Variants in EDARADD observed in about 807,000 individuals in gnomAD.
EDARADD encodes the protein EDAR associated via death domain.
EDARADD carries 20 observed loss-of-function variants against 25.6 expected under a neutral mutation model. The observed-to-expected ratio is 0.78, with a 90% CI of 0.55 to 1.14. EDARADD has a LOEUF of 1.14. Ranked by LOEUF, EDARADD falls within the 50% of genes most tolerant of loss-of-function variation. EDARADD has a pLI of 0.00. For synonymous variants in EDARADD, 86 were observed against 94.4 expected (o/e 0.91, Z 0.52); for missense variants, 225 against 270.1 (o/e 0.83, Z 1.17).
rs988277282 is a variant in EDARADD at position 236,483,721 on chromosome 1, C to T, written c.*1072C>T. 598 of 1,536,864 alleles carry T rather than the reference C, an allele frequency of 3.9e-4. No homozygotes were observed. Among genetic ancestry groups the T allele is most frequent in the Non-Finnish European group, 3.5e-4 (386 of 1,111,696 alleles). The stretch of plus-strand genomic sequence containing the variant: ...TTCAGGGAAGCCATGCCCATTGGAG[C>T]GGAGGTTTACCACAGCCTGAAGAAT... On this transcript the variant is annotated 3_prime_UTR_variant, in exon 6 of 6. Coordinates refer to ENST00000334232, the MANE Select transcript of EDARADD (RefSeq NM_145861.4).
chr1:236,451,065 A>G (rs16833698), intron 4 of EDARADD, among the ~76,000 whole-genome samples: 12,034 of 152,082 alleles, frequency 0.079, 927 homozygotes, highest in African/African-American at 0.19. Context: ...TTTTGCGCCT[A>G]TCCCCAGCAG....
At chr1:236,435,387 G>A (rs560629443) in intron 4 of EDARADD, among the ~76,000 whole-genome samples, 1 of 152,204 alleles carries the variant, frequency 6.6e-6, no homozygotes, top group African/African-American at 2.4e-5. Flanking sequence ...CCCCTTGAGG[G>A]CAGGGACTCC....
At chr1:236,362,700 C>T (rs1045231986) in intron 3 of EDARADD, among the ~76,000 whole-genome samples, 1 of 151,956 alleles carries the variant, frequency 6.6e-6, no homozygotes, top group Non-Finnish European at 1.5e-5. Flanking sequence ...GATCTAGAAT[C>T]AATTTTGAGT....
At position 236,484,423 on chromosome 1, in the gene EDARADD, A is replaced by G. The variant is rs1224813052; in HGVS notation, c.*1774A>G. The G allele has an allele frequency of 5.6e-6, 9 of 1,610,470 alleles. No individual in the cohort carries two copies. Among genetic ancestry groups the G allele is most frequent in the Non-Finnish European group, 2.5e-6 (3 of 1,178,100 alleles). The stretch of plus-strand genomic sequence containing the variant: ...AGAATTGAAGAGGAGCTGGGCAGCA[A>G]GGCTAAGTTTGCCGGCAGGAACTTC... On this transcript the variant is annotated 3_prime_UTR_variant, in exon 6 of 6. Coordinates refer to ENST00000334232, the MANE Select transcript of EDARADD (RefSeq NM_145861.4). The surrounding 1 kb of genome is among the most constrained non-coding windows in gnomAD (Gnocchi z 4.1).
intron 3 of EDARADD, among the ~76,000 whole-genome samples, chr1:236,361,565 A>T (rs1455615238): frequency 6.7e-6 from 1 of 150,260 alleles, no homozygotes; most frequent in Admixed American, 6.7e-5. Context: ...CCTGACCTTC[A>T]GTGATCTGCC....
Position 236,430,683 on chromosome 1 carries a change from C to T in EDARADD, c.219+3233C>T, listed in dbSNP as rs367908542. On this transcript the variant is annotated intron_variant, in intron 4 of 5. Transcript: ENST00000334232. ...TCCGTTGACTATTTCTTTGTATAAT[C>T]TATAGGATTTGTTTTAACTGCTAGA... 6.6e-5 allele frequency among the ~76,000 whole-genome samples: 10 copies of T among 152,276 alleles called. No homozygotes were observed. The East Asian group carries it at 1.7e-3, about 26-fold the overall frequency.
upstream of EDARADD, among the ~76,000 whole-genome samples, chr1:236,390,469 C>T (rs1572122224): frequency 6.6e-6 from 1 of 152,088 alleles, no homozygotes; most frequent in South Asian, 2.1e-4. Context: ...AGGAGAATGG[C>T]GTGAACCTGG....
intron 1 of EDARADD, among the ~76,000 whole-genome samples, 198 bp from the exon 2 acceptor site, chr1:236,409,018 A>T (rs1667787618): frequency 6.6e-6 from 1 of 151,450 alleles, no homozygotes; most frequent in South Asian, 2.1e-4. Flanking sequence ...TGGCCTTCCA[A>T]AGTGCTGGGA....
rs1409351293 is a variant in EDARADD, at chr1:236,410,619, C to T, written c.120+1345C>T. 2.6e-5 allele frequency among the ~76,000 whole-genome samples: 4 copies of T among 152,276 alleles called. No individual in the cohort carries two copies. In the East Asian group the frequency reaches 5.8e-4, roughly 22 times the overall value. ...TCTTGCTGAGGGCCAAAGCGGTGCTCTCTGTCAGGCAGCGTGTGTGATGGG... is the reference window on the plus strand; with the variant it reads ...TCTTGCTGAGGGCCAAAGCGGTGCTTTCTGTCAGGCAGCGTGTGTGATGGG... On this transcript the variant is annotated intron_variant, in intron 2 of 5. Transcript: ENST00000334232.
At chr1:236,391,311 A>C (rs1215291780), upstream of EDARADD, among the ~76,000 whole-genome samples, 2 of 152,166 alleles carry the variant, frequency 1.3e-5, no homozygotes, top group African/African-American at 4.8e-5. Flanking sequence ...TCAAGAAGAA[A>C]ACTTGGACAC....
chr1:236,472,234 C>G (rs1049554156), intron 5 of EDARADD, among the ~76,000 whole-genome samples: 8 of 152,146 alleles, frequency 5.3e-5, no homozygotes, highest in African/African-American at 1.7e-4. Context: ...TGGTATCTCT[C>G]AAAGAGAAGT....
intron 4 of EDARADD, among the ~76,000 whole-genome samples, chr1:236,429,956 C>T (rs1658050683): frequency 6.6e-6 from 1 of 152,206 alleles, no homozygotes; most frequent in South Asian, 2.1e-4. Context: ...TATATAACAT[C>T]AAGTTAATTT....
intron 4 of EDARADD, among the ~76,000 whole-genome samples, chr1:236,467,417 C>T (rs1235093680): frequency 2.2e-5 from 2 of 90,922 alleles, no homozygotes; most frequent in African/African-American, 1.1e-4. Flanking sequence ...ATGGGAAGCA[C>T]ACACACGCGC....
At chr1:236,352,405 C>G (rs552166886) in intron 3 of EDARADD, among the ~76,000 whole-genome samples, 1 of 152,120 alleles carries the variant, frequency 6.6e-6, no homozygotes, top group African/African-American at 2.4e-5. Context: ...AATAGCCTCC[C>G]GTAAATTTTA....
intron 4 of EDARADD, among the ~76,000 whole-genome samples, chr1:236,429,208 G>A (rs1658027178): frequency 6.9e-6 from 1 of 144,070 alleles, no homozygotes; most frequent in African/African-American, 2.5e-5. Context: ...GCGGGAGCGG[G>A]AGAGGGAGAG....
chr1:236,362,530 G>C (rs1667062461), intron 3 of EDARADD, among the ~76,000 whole-genome samples: 1 of 152,128 alleles, frequency 6.6e-6, no homozygotes, highest in Admixed American at 6.6e-5. Flanking sequence ...GTCTTTTGTA[G>C]AGCAGAAGTT....
intron 2 of EDARADD, 55 bp from the exon 3 acceptor site, chr1:236,414,205 C>G: frequency 6.8e-7 from 1 of 1,469,836 alleles, no homozygotes; most frequent in Non-Finnish European, 9.5e-7. Flanking sequence ...TTTCTTTTCA[C>G]TTTGATCTTA....
intron 3 of EDARADD, among the ~76,000 whole-genome samples, chr1:236,373,573 CTT>C (rs1667194927): frequency 6.6e-6 from 1 of 152,114 alleles, no homozygotes; most frequent in South Asian, 2.1e-4. Flanking sequence ...TTTCTAGACA[CTT>C]ATTGATTTTA....
At chr1:236,390,977 T>A (rs1471314946), upstream of EDARADD, among the ~76,000 whole-genome samples, 2 of 144,694 alleles carry the variant, frequency 1.4e-5, no homozygotes, top group Non-Finnish European at 1.6e-5. Context: ...AGATGGAGTC[T>A]CACTCTGTCG....
Sources: gnomAD v4.1 joint callset for allele counts (sites outside exome capture counted in the v4.1 genomes callset) on GRCh38, gnomAD v4.1.1 for gene constraint, Gnocchi (gnomAD v3.1) non-coding constraint, MANE v1.5 for transcripts, NCBI Gene and HGNC (gene_info 2026-07-23, HGNC 2026-07-21) for gene names.